MLLT10: variants seen among roughly 807,000 people sequenced by gnomAD.
MLLT10 encodes the protein protein AF-10.
Under a neutral mutation model 129.1 loss-of-function variants are expected in MLLT10, and 30 were observed. That is an observed-to-expected ratio of 0.23 (90% CI 0.17 to 0.32). The LOEUF is 0.32. Ranked by LOEUF, MLLT10 falls within the 10% of genes least tolerant of loss-of-function variation. The pLI is 1.00. For missense variants in MLLT10, 1,119 were observed against 1,268.3 expected, an observed-to-expected ratio of 0.88 and a Z score of 1.79; for synonymous variants, 490 against 446.4, an observed-to-expected ratio of 1.10 and a Z score of -1.23.
intron 8 of MLLT10, among the ~76,000 whole-genome samples, chr10:21,638,362 C>A (rs1479107976): frequency 6.6e-6 from 1 of 152,124 alleles, no homozygotes; most frequent in South Asian, 2.1e-4. Flanking sequence ...ATCATTTCCT[C>A]TTATACCTTC....
chr10:21,594,362 C>T (rs1224955021), intron 4 of MLLT10, among the ~76,000 whole-genome samples: 1 of 151,886 alleles, frequency 6.6e-6, no homozygotes, highest in Non-Finnish European at 1.5e-5. Flanking sequence ...CCAGCCTGAC[C>T]TACATGGAGA....
At chr10:21,633,120 G>A (rs1202388320) in intron 8 of MLLT10, among the ~76,000 whole-genome samples, 1 of 152,160 alleles carries the variant, frequency 6.6e-6, no homozygotes, top group Non-Finnish European at 1.5e-5. Flanking sequence ...TGGCACATCT[G>A]TAAAAATGGG....
intron 3 of MLLT10, among the ~76,000 whole-genome samples, chr10:21,560,875 A>G (rs2038718061): frequency 6.6e-6 from 1 of 152,124 alleles, no homozygotes; most frequent in Admixed American, 6.5e-5. Flanking sequence ...ATTTGTGTGT[A>G]TTCTTTGGAG....
chr10:21,621,187 G>T (rs1040585588), intron 8 of MLLT10, among the ~76,000 whole-genome samples: 1 of 145,208 alleles, frequency 6.9e-6, no homozygotes, highest in Non-Finnish European at 1.5e-5. Context: ...GTAGAGATGG[G>T]GTTTCACTGT....
At chr10:21,677,663 T>C (rs1242714130) in intron 11 of MLLT10, among the ~76,000 whole-genome samples, 1 of 152,190 alleles carries the variant, frequency 6.6e-6, no homozygotes, top group Admixed American at 6.5e-5. Flanking sequence ...CTCCAAATAT[T>C]TTCTATACAA....
At chr10:21,551,823 C>G (rs1478428857) in intron 3 of MLLT10, 1 of 402,978 alleles carries the variant, frequency 2.5e-6, no homozygotes, top group African/African-American at 2.3e-5. Flanking sequence ...TAGGCAGAGT[C>G]TCGCTCTGTT....
At chr10:21,687,715 C>T (rs2131422320) in intron 13 of MLLT10, among the ~76,000 whole-genome samples, 1 of 152,218 alleles carries the variant, frequency 6.6e-6, no homozygotes, top group Non-Finnish European at 1.5e-5. Flanking sequence ...AGCTGCAAAG[C>T]ACATTGGTTT....
intron 9 of MLLT10, among the ~76,000 whole-genome samples, chr10:21,652,133 C>T (rs993766138): frequency 1.3e-5 from 2 of 151,734 alleles, no homozygotes; most frequent in South Asian, 2.1e-4. Context: ...AGGATGGTCT[C>T]GATCTCCTGA....
intron 4 of MLLT10, among the ~76,000 whole-genome samples, chr10:21,592,450 TTTTG>T (rs1267856886): frequency 9.9e-5 from 15 of 151,462 alleles, no homozygotes; most frequent in Non-Finnish European, 1.5e-4. Flanking sequence ...GTTTTTTTTT[TTTTG>T]TTTGTTTTTG....
At chr10:21,667,386 T>C (rs1429132598) in intron 9 of MLLT10, among the ~76,000 whole-genome samples, 1 of 151,154 alleles carries the variant, frequency 6.6e-6, no homozygotes, top group East Asian at 1.9e-4. Context: ...TTTTCATCAA[T>C]TTTATAATTT....
At chr10:21,563,631 T>C (rs571326894) in intron 3 of MLLT10, among the ~76,000 whole-genome samples, 5 of 152,278 alleles carry the variant, frequency 3.3e-5, no homozygotes, top group Admixed American at 1.3e-4. Context: ...ACAGTTAAAC[T>C]GCGTTTTGTT....
chr10:21,591,193 A>T (rs1266935886), intron 4 of MLLT10, among the ~76,000 whole-genome samples: 1 of 152,014 alleles, frequency 6.6e-6, no homozygotes, highest in Non-Finnish European at 1.5e-5. Context: ...AGTGGCTGGG[A>T]CTACACGTGC....
chr10:21,637,838 GC>G, intron 8 of MLLT10, among the ~76,000 whole-genome samples: 1 of 152,184 alleles, frequency 6.6e-6, no homozygotes, highest in South Asian at 2.1e-4. Context: ...AACAGCTGGG[GC>G]TATAAGAGCA....
At chr10:21,672,615 A>G (rs1322130545) in intron 10 of MLLT10, among the ~76,000 whole-genome samples, 4 of 152,106 alleles carry the variant, frequency 2.6e-5, no homozygotes, top group African/African-American at 4.8e-5. Context: ...TAAGTTTCTT[A>G]TATCTTAGAA....
chr10:21,595,486 AAGTAG>A, intron 5 of MLLT10, 46 bp downstream of exon 5: 1 of 1,440,760 alleles, frequency 6.9e-7, no homozygotes, highest in Non-Finnish European at 9.6e-7. Context: ...CACTACTGGG[AAGTAG>A]AAAGGAAGTT....
At chr10:21,664,319 TG>T (rs1360121707) in intron 9 of MLLT10, among the ~76,000 whole-genome samples, 4 of 151,418 alleles carry the variant, frequency 2.6e-5, no homozygotes, top group African/African-American at 9.7e-5. Context: ...TTTGTTTGTT[TG>T]TTTTTTTTTT....
At chr10:21,707,261 C>G (rs1376797668) in intron 13 of MLLT10, among the ~76,000 whole-genome samples, 1 of 146,850 alleles carries the variant, frequency 6.8e-6, no homozygotes, top group Non-Finnish European at 1.5e-5. Context: ...GGCGCGATCT[C>G]GACTCACTGC....
chr10:21,557,936 C>CTTTTTTTTTTCTTTTTTTTTTTTTT, intron 3 of MLLT10: 1 of 126,654 alleles, frequency 7.9e-6, no homozygotes, highest in Non-Finnish European at 1.6e-5. Context: ...TATTATTTTT[C>CTTTTTTTTTTCTTTTTTTTTTTTTT]TTTTTTTTTT....
At chr10:21,580,471 C>G (rs866641426) in intron 3 of MLLT10, among the ~76,000 whole-genome samples, 1 of 151,546 alleles carries the variant, frequency 6.6e-6, no homozygotes, top group Non-Finnish European at 1.5e-5. Context: ...TCACTGCAAC[C>G]TCTGTCTCCT....
Sources: allele counts gnomAD v4.1 joint callset (sites outside exome capture counted in the v4.1 genomes callset), GRCh38; gene constraint gnomAD v4.1.1; transcripts MANE v1.5; gene names NCBI Gene and HGNC (gene_info 2026-07-23, HGNC 2026-07-21).